The following DPP6 variants were observed in gnomAD, a reference collection of about 807,000 sequenced individuals.
DPP6 encodes the protein dipeptidyl peptidase like 6, also known as A-type potassium channel modulatory protein DPP6.
In DPP6, 69 loss-of-function variants were observed where a neutral mutation model predicts 122.6. The observed-to-expected ratio is 0.56, with a 90% confidence interval of 0.46 to 0.69. DPP6 has a LOEUF of 0.69. DPP6 is among the 30% of genes least tolerant of loss of function. The pLI, the probability that DPP6 is intolerant of heterozygous loss-of-function variation, is 0.00. For missense variants in DPP6, 928 were observed against 1,116.9 expected, an observed-to-expected ratio of 0.83 and a Z score of 2.41; for synonymous variants, 418 against 433.1, an observed-to-expected ratio of 0.97 and a Z score of 0.43.
intron 1 of DPP6, among the ~76,000 whole-genome samples, chr7:154,147,933 C>A (rs1418641350): frequency 5.5e-3 from 820 of 149,838 alleles, no homozygotes; most frequent in African/African-American, 0.02. Flanking sequence ...TTCGATAGCC[C>A]AAGCTTATCT....
chr7:153,810,682 CTCTCTCTCTCTCTCT>C, the DPP6 span, among the ~76,000 whole-genome samples: 77 of 141,980 alleles, frequency 5.4e-4, no homozygotes, highest in African/African-American at 1.9e-3. Context: ...CTCTCTCTCT[CTCTCTCTCTCTCTCT>C]CTCTCTCTCT....
chr7:153,882,808 C>G (rs1798790355), upstream of DPP6, among the ~76,000 whole-genome samples: 1 of 152,068 alleles, frequency 6.6e-6, no homozygotes, highest in African/African-American at 2.4e-5. Flanking sequence ...GGCTTAGGTG[C>G]TGAAAAACAC....
chr7:154,581,976 C>T (rs1257663111), intron 5 of DPP6, among the ~76,000 whole-genome samples: 1 of 152,192 alleles, frequency 6.6e-6, no homozygotes, highest in Non-Finnish European at 1.5e-5. Flanking sequence ...CTGTCCTGGG[C>T]CACCCTTGGC....
intron 1 of DPP6, among the ~76,000 whole-genome samples, chr7:154,429,039 C>A (rs1818141328): frequency 6.6e-6 from 1 of 152,048 alleles, no homozygotes; most frequent in Non-Finnish European, 1.5e-5. Flanking sequence ...GAATATATAG[C>A]CTACTTCCTT....
chr7:154,010,151 G>A (rs972324586), intron 1 of DPP6, among the ~76,000 whole-genome samples: 4 of 152,064 alleles, frequency 2.6e-5, no homozygotes, highest in Admixed American at 6.5e-5. Flanking sequence ...TGAACAACCC[G>A]GATTCTTGTC....
intron 1 of DPP6, among the ~76,000 whole-genome samples, chr7:153,978,574 A>G (rs998556643): frequency 5.9e-5 from 9 of 152,006 alleles, no homozygotes; most frequent in Non-Finnish European, 1.0e-4. Context: ...CCATTTGTCA[A>G]TTTTGGCTTT....
chr7:153,967,240 G>A (rs1227951600), intron 1 of DPP6, among the ~76,000 whole-genome samples: 1 of 152,068 alleles, frequency 6.6e-6, no homozygotes, highest in East Asian at 1.9e-4. Flanking sequence ...TTGGGCTTGT[G>A]TTTAGATTTG....
Position 154,887,852 on chromosome 7 carries a change from C to A in DPP6, c.2304+118C>A, listed in dbSNP as rs7783439. 3,528 of 1,206,096 alleles carry A rather than the reference C, an allele frequency of 2.9e-3. 57 individuals are homozygous for A. In the African/African-American group the frequency reaches 0.041, roughly 14 times the overall value. The allele number at this position is 1,206,096 out of a possible 1,614,324, so 74.7% of individuals were successfully genotyped here. The stretch of plus-strand genomic sequence containing the variant: ...TCCCCAGCCCCATGCTTCTCCCTCA[C>A]CAGCACCAAAGCCCACTCAGAAACC... On this transcript the variant is annotated intron_variant, in intron 23 of 25. Coordinates refer to ENST00000377770, the MANE Select transcript of DPP6 (RefSeq NM_130797.4).
intron 1 of DPP6, among the ~76,000 whole-genome samples, chr7:154,396,999 G>A (rs983230185): frequency 2.0e-5 from 3 of 151,776 alleles, no homozygotes; most frequent in African/African-American, 7.3e-5. Context: ...AATAAATGAT[G>A]AAATCTATGA....
chr7:153,837,833 GTTAATTTTTTTTT>G, the DPP6 span, among the ~76,000 whole-genome samples: 1 of 88,334 alleles, frequency 1.1e-5, no homozygotes, highest in Admixed American at 1.2e-4. Context: ...ACCATGCCTG[GTTAATTTTTTTTT>G]TTTTTTTTTT....
At chr7:154,810,928 G>A (rs1208163029) in intron 16 of DPP6, among the ~76,000 whole-genome samples, 2 of 152,332 alleles carry the variant, frequency 1.3e-5, no homozygotes, top group South Asian at 4.1e-4. Context: ...AGATCTCAGA[G>A]CATCTAATCC....
chr7:154,695,734 G>A (rs1250590044), intron 7 of DPP6, among the ~76,000 whole-genome samples: 1 of 150,902 alleles, frequency 6.6e-6, no homozygotes, highest in African/African-American at 2.4e-5. Context: ...GTGTGGATCA[G>A]GGAGGTGCCG....
intron 1 of DPP6, among the ~76,000 whole-genome samples, chr7:153,897,135 G>T (rs929760893): frequency 1.3e-5 from 2 of 152,194 alleles, no homozygotes; most frequent in East Asian, 3.8e-4. Flanking sequence ...TGGAAAGACA[G>T]ATATTAGTTC....
chr7:154,795,798 AAAAG>A (rs771610079), intron 11 of DPP6, 43 bp from the exon 12 acceptor site: 146 of 707,724 alleles, frequency 2.1e-4, no homozygotes, highest in Middle Eastern at 8.7e-4. Flanking sequence ...AAAAAAAAAG[AAAAG>A]AAAAGAAAAA....
Position 154,807,079 on chromosome 7 carries a change from C to A in DPP6, c.1633C>A (p.His545Asn). ...NCTYFSASFS[H>N]SMDFFLLKCE... is the part of the protein sequence containing the mutation. Reference sequence around the variant, plus strand: ...CACCTACTTCAGCGCTTCCTTCAGCCATAGCATGGACTTCTTCCTGCTCAA... The same window carrying A: ...CACCTACTTCAGCGCTTCCTTCAGCAATAGCATGGACTTCTTCCTGCTCAA... Residue 545 changes from histidine (H) to asparagine (N), a missense_variant, in exon 16 of 26, where the codon CAT becomes AAT. Coordinates refer to ENST00000377770, the MANE Select transcript of DPP6 (RefSeq NM_130797.4). 6.2e-7 allele frequency: 1 copy of A among 1,613,772 alleles called. No individual in the cohort carries two copies. Among genetic ancestry groups the A allele is most frequent in the Non-Finnish European group, 8.5e-7 (1 of 1,179,862 alleles).
intron 1 of DPP6, among the ~76,000 whole-genome samples, chr7:154,016,842 C>A (rs1201199836): frequency 1.3e-5 from 2 of 152,082 alleles, no homozygotes; most frequent in Non-Finnish European, 2.9e-5. Context: ...CATTAGTGAA[C>A]TGAGAGAAAA....
intron 1 of DPP6, among the ~76,000 whole-genome samples, chr7:154,142,184 G>A (rs2150664322): frequency 6.6e-6 from 1 of 151,498 alleles, no homozygotes; most frequent in South Asian, 2.1e-4. Flanking sequence ...TCAGTTAAGT[G>A]GCTTAAATAA....
chr7:154,270,159 G>A (rs570797369), intron 1 of DPP6, among the ~76,000 whole-genome samples: 2 of 152,230 alleles, frequency 1.3e-5, no homozygotes, highest in African/African-American at 4.8e-5. Context: ...TCCATTGTTA[G>A]TTTTCCATAT....
At chr7:154,286,206 G>T (rs899791531) in intron 1 of DPP6, among the ~76,000 whole-genome samples, 1 of 152,114 alleles carries the variant, frequency 6.6e-6, no homozygotes, top group Non-Finnish European at 1.5e-5. Flanking sequence ...ACATGGTTTT[G>T]TCCAGAGCTG....
Sources: allele counts gnomAD v4.1 joint callset (sites outside exome capture counted in the v4.1 genomes callset), GRCh38; gene constraint gnomAD v4.1.1; transcripts MANE v1.5; gene names NCBI Gene and HGNC (gene_info 2026-07-23, HGNC 2026-07-21).